The following RIT2 variants were observed in gnomAD, a reference collection of about 807,000 sequenced individuals.
RIT2 encodes GTP-binding protein Rit2.
Under a neutral mutation model 23.7 loss-of-function variants are expected in RIT2, and 24 were observed. The observed-to-expected ratio is 1.01, with a 90% CI of 0.73 to 1.43. RIT2 has a LOEUF of 1.43. RIT2 is among the 40% of genes most tolerant of loss of function. RIT2 has a pLI of 0.00. For missense variants in RIT2, 236 were observed against 266.9 expected (o/e 0.88, Z 0.81); for synonymous variants, 107 against 91.1 (o/e 1.17, Z -0.99).
chr18:43,021,595 T>A (rs1477566887), intron 2 of RIT2, among the ~76,000 whole-genome samples: 1 of 152,102 alleles, frequency 6.6e-6, no homozygotes, highest in African/African-American at 2.4e-5. Context: ...TGGGTACTGT[T>A]CCTGGAATAG....
intron 4 of RIT2, among the ~76,000 whole-genome samples, chr18:42,837,153 C>CTTTTCTTTTTTTTT (rs1568008832): frequency 2.5e-4 from 13 of 51,694 alleles, no homozygotes; most frequent in Non-Finnish European, 3.2e-4. Flanking sequence ...TTTTCTTTTT[C>CTTTTCTTTTTTTTT]TTTTTTTTTT....
intron 2 of RIT2, among the ~76,000 whole-genome samples, chr18:42,988,954 T>C (rs1910777149): frequency 6.6e-6 from 1 of 152,138 alleles, no homozygotes; most frequent in Non-Finnish European, 1.5e-5. Context: ...TTCATTCTGA[T>C]TTCTCCTCAA....
At chr18:42,833,035 CTGAG>C (rs946565090) in intron 4 of RIT2, among the ~76,000 whole-genome samples, 2 of 127,396 alleles carry the variant, frequency 1.6e-5, no homozygotes, top group Non-Finnish European at 3.1e-5. Context: ...GCCTGGGTGA[CTGAG>C]TGAGACTTCA....
At chr18:42,949,477 G>A (rs967345401) in intron 3 of RIT2, among the ~76,000 whole-genome samples, 1 of 152,060 alleles carries the variant, frequency 6.6e-6, no homozygotes, top group Admixed American at 6.6e-5. Flanking sequence ...CAATAACAGG[G>A]GTGATGCCAG....
intron 4 of RIT2, among the ~76,000 whole-genome samples, chr18:42,780,047 GTTTTTTTTTT>G (rs71175923): frequency 6.7e-5 from 4 of 59,568 alleles, no homozygotes; most frequent in African/African-American, 1.2e-4. Flanking sequence ...CAATTTAGAG[GTTTTTTTTTT>G]TTTTTTTTTT....
At chr18:43,037,928 G>A (rs1912017932) in intron 1 of RIT2, among the ~76,000 whole-genome samples, 1 of 152,010 alleles carries the variant, frequency 6.6e-6, no homozygotes, top group South Asian at 2.1e-4. Flanking sequence ...TTTCAGGCCG[G>A]ACGCCGTGGC....
At chr18:42,868,884 C>G (rs771579564) in intron 4 of RIT2, among the ~76,000 whole-genome samples, 1 of 152,116 alleles carries the variant, frequency 6.6e-6, no homozygotes, top group Non-Finnish European at 1.5e-5. Flanking sequence ...TAATTTAGTA[C>G]ACCAATTATA....
intron 4 of RIT2, among the ~76,000 whole-genome samples, chr18:42,745,292 A>G (rs909853398): frequency 6.6e-6 from 1 of 152,120 alleles, no homozygotes; most frequent in African/African-American, 2.4e-5. Context: ...AAGAAAAAAA[A>G]CCTTCATTAT....
intron 4 of RIT2, among the ~76,000 whole-genome samples, chr18:42,863,751 G>T (rs1433258851): frequency 1.3e-5 from 2 of 152,084 alleles, no homozygotes; most frequent in East Asian, 3.9e-4. Flanking sequence ...TATTTTAGCA[G>T]TGCAAAAGCT....
chr18:42,966,761 G>T (rs902850212), intron 3 of RIT2, among the ~76,000 whole-genome samples: 3 of 151,994 alleles, frequency 2.0e-5, no homozygotes, highest in African/African-American at 7.3e-5. Flanking sequence ...CAATCAATTG[G>T]GGCATTATAA....
chr18:42,752,026 T>C (rs1391350127), intron 4 of RIT2, among the ~76,000 whole-genome samples: 1 of 152,092 alleles, frequency 6.6e-6, no homozygotes, highest in Non-Finnish European at 1.5e-5. Context: ...GAAATTTACA[T>C]GCCATAAGTT....
intron 1 of RIT2, among the ~76,000 whole-genome samples, chr18:43,101,292 A>T (rs531830102): frequency 6.6e-6 from 1 of 152,268 alleles, no homozygotes; most frequent in Non-Finnish European, 1.5e-5. Context: ...TATTTTGTAC[A>T]GTGGCTGTAT....
intron 1 of RIT2, among the ~76,000 whole-genome samples, chr18:43,046,763 A>G (rs1434857715): frequency 1.3e-5 from 2 of 152,194 alleles, no homozygotes; most frequent in Non-Finnish European, 2.9e-5. Context: ...TTATGTACTC[A>G]ACCAAAACAA....
intron 4 of RIT2, among the ~76,000 whole-genome samples, chr18:42,866,858 T>A (rs997142781): frequency 6.6e-6 from 1 of 152,160 alleles, no homozygotes; most frequent in Non-Finnish European, 1.5e-5. Flanking sequence ...AAAGTCCTCA[T>A]TATAGAGTCA....
intron 4 of RIT2, among the ~76,000 whole-genome samples, chr18:42,838,736 C>T (rs980860354): frequency 4.6e-5 from 7 of 152,148 alleles, no homozygotes; most frequent in East Asian, 1.9e-4. Context: ...CTTGATTACA[C>T]GCCTCAGAAT....
chr18:42,837,447 A>G (rs1049136669), intron 4 of RIT2, among the ~76,000 whole-genome samples: 21 of 150,604 alleles, frequency 1.4e-4, no homozygotes, highest in African/African-American at 5.1e-4. Context: ...GATTACAGGC[A>G]TGAGCCACCA....
At chr18:42,815,600 T>A (rs986265303) in intron 4 of RIT2, among the ~76,000 whole-genome samples, 5 of 152,168 alleles carry the variant, frequency 3.3e-5, no homozygotes, top group African/African-American at 9.7e-5. Context: ...GTATGCAGAA[T>A]TGAGACAATT....
At chr18:43,083,678 CAT>C (rs1913212389) in intron 1 of RIT2, among the ~76,000 whole-genome samples, 1 of 152,164 alleles carries the variant, frequency 6.6e-6, no homozygotes, top group Non-Finnish European at 1.5e-5. Flanking sequence ...ACTGGCTACT[CAT>C]ATGCAGAAAA....
At chr18:43,091,066 A>C (rs1220414928) in intron 1 of RIT2, among the ~76,000 whole-genome samples, 1 of 151,978 alleles carries the variant, frequency 6.6e-6, no homozygotes, top group Non-Finnish European at 1.5e-5. Context: ...AAAAAGAAGA[A>C]AATTCTTTAA....
Sources: gnomAD v4.1 joint callset for allele counts (sites outside exome capture counted in the v4.1 genomes callset) on GRCh38, gnomAD v4.1.1 for gene constraint, MANE v1.5 for transcripts, NCBI Gene and HGNC (gene_info 2026-07-23, HGNC 2026-07-21) for gene names.